The following COQ8A variants were observed in gnomAD, a reference collection of about 807,000 sequenced individuals.
COQ8A encodes the protein atypical kinase COQ8A, mitochondrial.
A neutral mutation model predicts 65.0 loss-of-function variants in COQ8A; 51 were observed. That is an observed-to-expected ratio of 0.78 (90% CI 0.63 to 0.99). The LOEUF (loss-of-function observed/expected upper bound fraction) is 0.99. Ranked by LOEUF, COQ8A falls within the 50% of genes least tolerant of loss-of-function variation. COQ8A has a pLI of 0.00. For synonymous variants in COQ8A, 371 were observed against 353.2 expected (o/e 1.05, Z -0.57); for missense variants, 940 against 875.0 (o/e 1.07, Z -0.94).
intron 4 of COQ8A, among the ~76,000 whole-genome samples, chr1:226,968,180 C>T (rs900275650): frequency 2.0e-5 from 3 of 152,004 alleles, no homozygotes; most frequent in Non-Finnish European, 4.4e-5. Flanking sequence ...TAAAAAAATA[C>T]AAAAATTAGC....
chr1:226,984,640 C>A lies in COQ8A; in HGVS notation c.1491C>A (p.Asp497Glu), dbSNP rs1558209223. 6.2e-7 allele frequency: 1 copy of A among 1,614,000 alleles called. No homozygotes were observed. The highest frequency in any genetic ancestry group is 2.2e-5 in the East Asian group (1 of 44,886). The change falls in exon 12 of 15, where the codon GAC becomes GAA. Residue 497 changes from aspartate to glutamate, a missense_variant. Physicochemically the swap from Asp to Glu is conservative, Grantham distance 45. Coordinates refer to ENST00000366777, the MANE Select transcript of COQ8A (RefSeq NM_020247.5). ...CCAACTGGTCCAACTTCTTCTATGA[C>A]CCCCAGCAGCACAAGGTGAGCCCCA... is the stretch of plus-strand genomic sequence containing the variant. ...TDPNWSNFFY[D>E]PQQHKVALLD... is the part of the protein sequence containing the mutation.
intron 5 of COQ8A, 35 bp from the exon 6 acceptor site, chr1:226,981,992 C>G (rs779268557): frequency 1.2e-6 from 2 of 1,612,730 alleles, no homozygotes; most frequent in Admixed American, 1.7e-5. Context: ...CAGACCCCCC[C>G]GAGTGCCGTG....
intron 1 of COQ8A, among the ~76,000 whole-genome samples, chr1:226,945,921 C>G (rs1657013237): frequency 6.6e-6 from 1 of 152,198 alleles, no homozygotes; most frequent in African/African-American, 2.4e-5. Flanking sequence ...GTAAAAATCA[C>G]TTTTTGAACA....
chr1:226,980,849 G>A (rs1401935660), intron 5 of COQ8A, among the ~76,000 whole-genome samples: 6 of 152,166 alleles, frequency 3.9e-5, no homozygotes, highest in Non-Finnish European at 4.4e-5. Flanking sequence ...TTCTCAGGGC[G>A]GCCCGCCCCA....
intron 1 of COQ8A, among the ~76,000 whole-genome samples, chr1:226,959,766 C>T (rs1658038223): frequency 6.6e-6 from 1 of 152,212 alleles, no homozygotes; most frequent in Admixed American, 6.5e-5. Flanking sequence ...TCTGGCGCCA[C>T]TGTCTAGGGT....
rs551815467 is a variant in COQ8A at position 226,962,831 on chromosome 1, T to A, written c.177+1269T>A. ...CACTGTCCTGGGATGGGGGCCAGCC[T>A]GGACCATCACACCCATTTCTCAGAT... On this transcript the variant is annotated intron_variant, in intron 2 of 14. Transcript: ENST00000366777. Among the ~76,000 whole-genome samples, 9 of 152,350 alleles carry A rather than the reference T, an allele frequency of 5.9e-5. No individual in the cohort carries two copies. In the South Asian group the frequency reaches 1.0e-3, roughly 18 times the overall value.
Position 226,982,166 on chromosome 1 carries a change from G to C in COQ8A, c.853+17G>C. The C allele has an allele frequency of 6.4e-7, 1 of 1,564,706 alleles. No homozygotes were observed. ...GCATCCAGGGTGAGTGGGCGCGGGG[G>C]CTGCTGCCCCGGGACTGCGTGGGCT... On this transcript the variant is annotated intron_variant, in intron 6 of 14. Coordinates refer to ENST00000366777, the MANE Select transcript of COQ8A (RefSeq NM_020247.5).
rs148885592 is a variant in COQ8A, at chr1:226,969,659, T to C, written c.655+3922T>C. On this transcript the variant is annotated intron_variant, in intron 4 of 14. Coordinates refer to ENST00000366777, the MANE Select transcript of COQ8A (RefSeq NM_020247.5). ...CTATAGCTACATTCCAGCTTTGTTT[T>C]GGGTAATGTTTGCATGTTACCTTTT... 2.5e-3 allele frequency among the ~76,000 whole-genome samples: 376 copies of C among 152,348 alleles called. 9 individuals carry two copies. The East Asian group carries it at 0.046, about 19-fold the overall frequency.
At chr1:226,963,249 A>G (rs987664044) in intron 2 of COQ8A, among the ~76,000 whole-genome samples, 1 of 152,168 alleles carries the variant, frequency 6.6e-6, no homozygotes, top group African/African-American at 2.4e-5. Flanking sequence ...TAGGCACCGG[A>G]GCAGGGTGGC....
At chr1:226,967,268 A>G (rs976024048) in intron 4 of COQ8A, among the ~76,000 whole-genome samples, 4 of 152,154 alleles carry the variant, frequency 2.6e-5, no homozygotes, top group African/African-American at 9.7e-5. Context: ...TATTGAATGG[A>G]GGCTGTCTTC....
chr1:226,985,004 G>A (rs1659995276), intron 13 of COQ8A, 63 bp downstream of exon 13: 1 of 1,585,714 alleles, frequency 6.3e-7, no homozygotes, highest in Admixed American at 1.7e-5. Flanking sequence ...GGATGCTGGG[G>A]GACTCGGGGT....
At position 226,972,109 on chromosome 1, in the gene COQ8A, T is replaced by A. The variant is rs879448330; in HGVS notation, c.656-5340T>A. Among the ~76,000 whole-genome samples, 3 of 152,136 alleles carry A rather than the reference T, an allele frequency of 2.0e-5. No individual in the cohort carries two copies. The highest frequency in any genetic ancestry group is 4.4e-5 in the Non-Finnish European group (3 of 68,028). The stretch of plus-strand genomic sequence containing the variant: ...TCCTCTGTACCTATACATTGAGAAA[T>A]GGACACCTACAGAAGTGAGACTTTA... On this transcript the variant is annotated intron_variant, in intron 4 of 14. Coordinates refer to ENST00000366777, the MANE Select transcript of COQ8A (RefSeq NM_020247.5). The surrounding 1 kb of genome is among the most constrained non-coding windows in gnomAD (Gnocchi z 4.3).
chr1:226,976,464 G>GCGATGTTGCCC (rs1406945941), intron 4 of COQ8A, among the ~76,000 whole-genome samples: 1 of 152,132 alleles, frequency 6.6e-6, no homozygotes, highest in Admixed American at 6.5e-5. Flanking sequence ...GCCCGGGTGC[G>GCGATGTTGCCC]GGGTGCGGGG....
At chr1:226,982,831 G>A in intron 7 of COQ8A, 63 bp from the exon 8 acceptor site, 1 of 1,612,746 alleles carries the variant, frequency 6.2e-7, no homozygotes, top group South Asian at 1.1e-5. Context: ...GGACAGACTT[G>A]GGGCTTCTCC....
rs1659727817 is a variant in COQ8A at position 226,982,035 on chromosome 1, G to C, written c.739G>C (p.Ala247Pro). Reference protein sequence around the residue: ...LRSEDPSGKKAVLGSSPFLSE... With the variant: ...LRSEDPSGKKPVLGSSPFLSE... ...CTCTTGCCCGCCCACAGGGAAGAAG[G>C]CCGTGCTGGGTTCCAGTCCTTTCCT... The change falls in exon 6 of 15, where the codon GCC (alanine) becomes CCC (proline). Residue 247 changes from alanine (A) to proline (P), a missense_variant. Physicochemically the swap from Ala to Pro is conservative, Grantham distance 27 (BLOSUM62 -1). Coordinates refer to ENST00000366777, the MANE Select transcript of COQ8A (RefSeq NM_020247.5). The C allele has an allele frequency of 2.5e-6, 4 of 1,612,786 alleles. No individual in the cohort carries two copies. In the African/African-American group the frequency reaches 4.0e-5, roughly 16 times the overall value.
At chr1:226,957,281 GCCCCC>G (rs552731385) in intron 1 of COQ8A, among the ~76,000 whole-genome samples, 3 of 29,224 alleles carry the variant, frequency 1.0e-4, no homozygotes, top group Admixed American at 9.7e-4. Flanking sequence ...CACTCTCCCT[GCCCCC>G]CCCCCCCCAC....
intron 8 of COQ8A, 107 bp from the exon 9 acceptor site, chr1:226,983,445 G>C: frequency 1.9e-6 from 2 of 1,049,584 alleles, no homozygotes; most frequent in Admixed American, 1.9e-5. Context: ...GGTGTGGGCT[G>C]GGGCCAGGAC....
intron 4 of COQ8A, among the ~76,000 whole-genome samples, chr1:226,973,418 TG>T (rs1193036670): frequency 6.6e-6 from 1 of 152,062 alleles, no homozygotes; most frequent in African/African-American, 2.4e-5. Flanking sequence ...CAGGGCCATA[TG>T]GTTATTTGTG....
At chr1:226,961,004 A>C (rs1658217931) in intron 1 of COQ8A, among the ~76,000 whole-genome samples, 1 of 151,984 alleles carries the variant, frequency 6.6e-6, no homozygotes, top group African/African-American at 2.4e-5. Flanking sequence ...AGAGGGATGA[A>C]CCCTAGACTG....
Sources: allele counts gnomAD v4.1 joint callset (sites outside exome capture counted in the v4.1 genomes callset), GRCh38; gene constraint gnomAD v4.1.1; non-coding constraint Gnocchi (gnomAD v3.1); transcripts MANE v1.5; gene names NCBI Gene and HGNC (gene_info 2026-07-23, HGNC 2026-07-21).